The following CDH5 variants were observed in gnomAD, a reference collection of about 807,000 sequenced individuals.
CDH5 encodes the protein cadherin-5.
A neutral mutation model predicts 62.0 loss-of-function variants in CDH5; 28 were observed. The ratio of observed to expected loss-of-function variants is 0.45; its 90% confidence interval spans 0.33 to 0.62. The LOEUF is 0.62. Among genes scored for constraint, CDH5 ranks in the 20% least tolerant of loss-of-function variants. CDH5 has a pLI of 0.02. For synonymous variants in CDH5, 464 were observed against 445.8 expected, an observed-to-expected ratio of 1.04 and a Z score of -0.52; for missense variants, 940 against 1,065.1, an observed-to-expected ratio of 0.88 and a Z score of 1.63.
At chr16:66,374,767 C>T (rs891422238) in intron 1 of CDH5, among the ~76,000 whole-genome samples, 2 of 151,638 alleles carry the variant, frequency 1.3e-5, no homozygotes, top group African/African-American at 4.9e-5. Flanking sequence ...CGTCTTCACC[C>T]TGAAATTTTC....
Position 66,379,735 on chromosome 16 carries a change from G to A in CDH5, c.210+188G>A, listed in dbSNP as rs192783473. ...TGGTGGTAGAAGTAGTGGTGGTAAT[G>A]GTAGCAATGGTGGTGGTAGTGATAG... On this transcript the variant is annotated intron_variant, in intron 2 of 11. Transcript: ENST00000341529. Among the ~76,000 whole-genome samples, 212 of 152,288 alleles carry A rather than the reference G, an allele frequency of 1.4e-3. 1 individual carries two copies. Among genetic ancestry groups the A allele is most frequent in the Non-Finnish European group, 2.6e-3 (178 of 68,022 alleles).
Position 66,396,079 on chromosome 16 carries a change from G to T in CDH5, c.1238G>T (p.Ser413Ile). The T allele has an allele frequency of 6.2e-7, 1 of 1,613,958 alleles. No homozygotes were observed. The highest frequency in any genetic ancestry group is 8.5e-7 in the Non-Finnish European group (1 of 1,180,018). Reference sequence around the variant, plus strand: ...GGCAGATACTCCATCCGCAGGACCAGTGACAAGGGCCAGTTCTTCCGAGTC... The same window carrying T: ...GGCAGATACTCCATCCGCAGGACCATTGACAAGGGCCAGTTCTTCCGAGTC... ...HSIGYSIRRT[S>I]DKGQFFRVTK... The change falls in exon 8 of 12, where the codon AGT becomes ATT. Residue 413 changes from serine (S) to isoleucine (I), a missense_variant. By Grantham distance (142) the Ser-to-Ile change is moderately radical (BLOSUM62 -2). Coordinates refer to ENST00000341529, the MANE Select transcript of CDH5 (RefSeq NM_001795.5).
chr16:66,377,980 G>A (rs1481276506), intron 1 of CDH5, among the ~76,000 whole-genome samples: 1 of 152,156 alleles, frequency 6.6e-6, no homozygotes, highest in Non-Finnish European at 1.5e-5. Flanking sequence ...TTGGTTTAAT[G>A]TTCTGTCGCC....
intron 8 of CDH5, 27 bp from the exon 9 acceptor site, chr16:66,397,955 T>C: frequency 6.2e-7 from 1 of 1,614,030 alleles, no homozygotes; most frequent in Non-Finnish European, 8.5e-7. Flanking sequence ...GCTGAGCCCA[T>C]AATGGTGACA....
chr16:66,377,503 C>G (rs141845265), intron 1 of CDH5: 1 of 152,284 alleles, frequency 6.6e-6, no homozygotes, highest in Non-Finnish European at 1.5e-5. Context: ...CCTCAGCCCT[C>G]CCTGAGGTCA....
chr16:66,401,533 G>A (rs576232734), intron 11 of CDH5, among the ~76,000 whole-genome samples: 4 of 152,280 alleles, frequency 2.6e-5, no homozygotes, highest in African/African-American at 4.8e-5. Context: ...AGAAATTTTA[G>A]GAGCATTGTA....
chr16:66,382,429 G>A (rs1175120828), intron 2 of CDH5, among the ~76,000 whole-genome samples: 1 of 152,160 alleles, frequency 6.6e-6, no homozygotes. Context: ...AGGAAAACCA[G>A]CATTCCTGAC....
At chr16:66,396,027 T>C (rs766397573) in intron 7 of CDH5, 32 bp from the exon 8 acceptor site, 6 of 1,608,468 alleles carry the variant, frequency 3.7e-6, no homozygotes, top group South Asian at 3.3e-5. Context: ...CAAAGAACAA[T>C]GGAAAGCCAT....
At chr16:66,376,612 C>T (rs991184838) in intron 1 of CDH5, 75 of 152,296 alleles carry the variant, frequency 4.9e-4, no homozygotes, top group African/African-American at 1.8e-3. Context: ...TACCCAGAGA[C>T]CAGCAACAGC....
intron 11 of CDH5, 80 bp from the exon 12 acceptor site, chr16:66,402,572 G>T: frequency 7.9e-7 from 1 of 1,273,862 alleles, no homozygotes; most frequent in East Asian, 2.6e-5. Context: ...GGGTTGCAGG[G>T]GGCAGTGGGG....
At position 66,404,770 on chromosome 16, in the gene CDH5, C is replaced by A. The variant is rs1961358864; in HGVS notation, c.*1601C>A. ...TTTTTATACCTAAATAAAGAAAAATCTTTAGCCTGGGCAACATAGGGAGAC... is the reference window on the plus strand; with the variant it reads ...TTTTTATACCTAAATAAAGAAAAATATTTAGCCTGGGCAACATAGGGAGAC... On this transcript the variant is annotated 3_prime_UTR_variant, in exon 12 of 12. Transcript: ENST00000341529. 6.6e-6 allele frequency: 1 copy of A among 152,280 alleles called. No individual in the cohort carries two copies. The highest frequency in any genetic ancestry group is 1.5e-5 in the Non-Finnish European group (1 of 67,976). The allele number at this position is 152,280 out of a possible 1,614,324, so 9.4% of individuals were successfully genotyped here. A position where few individuals can be genotyped will look rare whatever the true frequency, so the allele number is the denominator to read the frequency against.
chr16:66,402,541 T>A, intron 11 of CDH5, 111 bp from the exon 12 acceptor site: 1 of 846,288 alleles, frequency 1.2e-6, no homozygotes, highest in East Asian at 3.0e-5. Flanking sequence ...GGGATGGGCA[T>A]GCTGGGAGGG....
rs958582741 is a variant in CDH5 at position 66,398,403 on chromosome 16, C to T, written c.1486-53C>T. ...AAGGCTCCATCGCTAAACCTCAGACCACCCCACCACCCCACCACCATCACT... is the reference window on the plus strand; with the variant it reads ...AAGGCTCCATCGCTAAACCTCAGACTACCCCACCACCCCACCACCATCACT... On this transcript the variant is annotated intron_variant, in intron 9 of 11. Coordinates refer to ENST00000341529, the MANE Select transcript of CDH5 (RefSeq NM_001795.5). The T allele has an allele frequency of 2.4e-5, 11 of 455,746 alleles. 1 individual carries two copies. In the Middle Eastern group the frequency reaches 4.9e-3, roughly 203 times the overall value. The allele number at this position is 455,746 out of a possible 1,614,324, so 28.2% of individuals were successfully genotyped here.
chr16:66,373,398 G>T (rs1338023247), intron 1 of CDH5, among the ~76,000 whole-genome samples: 1 of 144,724 alleles, frequency 6.9e-6, no homozygotes, highest in Non-Finnish European at 1.5e-5. Flanking sequence ...CCCCCATTTT[G>T]GTTAGCCAAT....
rs190809568 is a variant in CDH5, at chr16:66,388,064, C to T, written c.500-260C>T. On this transcript the variant is annotated intron_variant, in intron 3 of 11. Coordinates refer to ENST00000341529, the MANE Select transcript of CDH5 (RefSeq NM_001795.5). ...ATTTCTCTCCCTGACCCCAACCCTC[C>T]GCCCCCTCCCTCATTTCCCCAGGAA... Among the ~76,000 whole-genome samples the T allele has an allele frequency of 7.0e-4, 106 of 152,356 alleles. 1 individual carries two copies. Among genetic ancestry groups the T allele is most frequent in the Non-Finnish European group, 1.3e-3 (86 of 68,040 alleles).
At chr16:66,383,165 C>T (rs1411007215) in intron 2 of CDH5, among the ~76,000 whole-genome samples, 2 of 152,020 alleles carry the variant, frequency 1.3e-5, no homozygotes, top group African/African-American at 4.8e-5. Flanking sequence ...AAACATGACA[C>T]CTCTGTGGAA....
chr16:66,380,559 C>G (rs112521287), intron 2 of CDH5, among the ~76,000 whole-genome samples: 1,385 of 115,302 alleles, frequency 0.012, 15 homozygotes, highest in South Asian at 0.055. Context: ...TGATGGTGGT[C>G]ATGATAAAGG....
At position 66,404,596 on chromosome 16, in the gene CDH5, G is replaced by A. The variant is rs1961355458; in HGVS notation, c.*1427G>A. ...TAGAATAAGGGTTTTTGCATAATAA[G>A]CAGGTTGTTATTTAGGTTAACAATA... is the stretch of plus-strand genomic sequence containing the variant. On this transcript the variant is annotated 3_prime_UTR_variant, in exon 12 of 12. Transcript: ENST00000341529. The A allele has an allele frequency of 6.6e-6, 1 of 152,360 alleles. No individual in the cohort carries two copies. The highest frequency in any genetic ancestry group is 6.5e-5 in the Admixed American group (1 of 15,282). The allele number at this position is 152,360 out of a possible 1,614,324, so 9.4% of individuals were successfully genotyped here.
chr16:66,374,688 C>T (rs1185786541), intron 1 of CDH5, among the ~76,000 whole-genome samples: 2 of 149,352 alleles, frequency 1.3e-5, no homozygotes, highest in African/African-American at 4.9e-5. Context: ...TACAGCCGTG[C>T]ATCTTTTTTT....
Sources: gnomAD v4.1 joint callset for allele counts (sites outside exome capture counted in the v4.1 genomes callset) on GRCh38, gnomAD v4.1.1 for gene constraint, MANE v1.5 for transcripts, NCBI Gene and HGNC (gene_info 2026-07-23, HGNC 2026-07-21) for gene names.